The following TEAD4 variants were observed in gnomAD, a reference collection of about 807,000 sequenced individuals.
TEAD4 encodes TEA domain transcription factor 4.
A neutral mutation model predicts 52.4 loss-of-function variants in TEAD4; 36 were observed. The ratio of observed to expected loss-of-function variants is 0.69; its 90% CI spans 0.53 to 0.91. The LOEUF is 0.91. Among genes scored for constraint, TEAD4 ranks in the 40% least tolerant of loss-of-function variants. The probability of loss-of-function intolerance (pLI) is 0.00; values close to 1 mark genes in which losing one functional copy is unlikely to be tolerated. For synonymous variants in TEAD4, 220 were observed against 231.0 expected (o/e 0.95, Z 0.43); for missense variants, 508 against 583.9 (o/e 0.87, Z 1.34).
chr12:2,961,190 AAAC>A (rs1196659965), intron 2 of TEAD4, among the ~76,000 whole-genome samples: 3 of 152,150 alleles, frequency 2.0e-5, no homozygotes, highest in Non-Finnish European at 4.4e-5. Context: ...CCTCAAGGAC[AAAC>A]AGGGAGGTAT....
chr12:3,018,710 A>G, intron 7 of TEAD4, 122 bp downstream of exon 7: 1 of 1,252,192 alleles, frequency 8.0e-7, no homozygotes, highest in Non-Finnish European at 1.2e-6. Flanking sequence ...TCGGCCTTTC[A>G]GGATGGCTCT....
At position 3,012,238 on chromosome 12, in the gene TEAD4, G is replaced by A. The variant is rs2098260907; in HGVS notation, c.354+6G>A. 3.1e-6 allele frequency: 5 copies of A among 1,614,014 alleles called. No homozygotes were observed. The South Asian group carries it at 4.4e-5, about 14-fold the overall frequency. On this transcript the variant is annotated splice_donor_region_variant and intron_variant, in intron 5 of 12. Coordinates refer to ENST00000359864, the MANE Select transcript of TEAD4 (RefSeq NM_003213.4). ...AGATCCAGGCCAAGCTAAAGGTAAG[G>A]AAACTGCAGTGGGGGTGCTGGAGTG...
intron 5 of TEAD4, among the ~76,000 whole-genome samples, chr12:3,012,718 G>A (rs2098261362): frequency 6.6e-6 from 1 of 152,272 alleles, no homozygotes; most frequent in East Asian, 1.9e-4. Flanking sequence ...GTCTTGCAGG[G>A]CCTCTGCTGA....
chr12:2,963,296 T>G (rs1196085673), intron 2 of TEAD4, among the ~76,000 whole-genome samples: 4 of 152,240 alleles, frequency 2.6e-5, no homozygotes, highest in Admixed American at 6.5e-5. Flanking sequence ...CTCCTTCTCC[T>G]TCCCAGTGGA....
Position 3,032,388 on chromosome 12 carries a change from C to T in TEAD4, c.898-5580C>T, listed in dbSNP as rs962326383. Among the ~76,000 whole-genome samples, 37 of 152,090 alleles carry T rather than the reference C, an allele frequency of 2.4e-4. 1 individual carries two copies. Among genetic ancestry groups the T allele is most frequent in the African/African-American group, 8.0e-4 (33 of 41,408 alleles). On this transcript the variant is annotated intron_variant, in intron 10 of 12. Coordinates refer to ENST00000359864, the MANE Select transcript of TEAD4 (RefSeq NM_003213.4). ...GCACTCTGGATGGGAGGATCCAGCG[C>T]GAGTCTCGGGGTCCTGGGACAGGAG...
intron 2 of TEAD4, among the ~76,000 whole-genome samples, chr12:2,992,016 CTT>C (rs372782883): frequency 0.31 from 33,161 of 107,590 alleles, 6,372 homozygotes; most frequent in African/African-American, 0.59. Context: ...GCGGTTCCTG[CTT>C]TTTTTTTTTT....
rs549956718 is a variant in TEAD4 at position 2,970,329 on chromosome 12, C to G, written c.-30+10289C>G. On this transcript the variant is annotated intron_variant, in intron 2 of 12. Transcript: ENST00000359864. ...GCACAGTGTGGCTTTCCAGCCAGCCCGCCTGGGTTTGAATCTCTGTTCTGC... is the reference window on the plus strand; with the variant it reads ...GCACAGTGTGGCTTTCCAGCCAGCCGGCCTGGGTTTGAATCTCTGTTCTGC... 2.0e-5 allele frequency among the ~76,000 whole-genome samples: 3 copies of G among 152,278 alleles called. No homozygotes were observed. The East Asian group carries it at 5.8e-4, about 29-fold the overall frequency.
At chr12:2,964,118 A>G (rs932301940) in intron 2 of TEAD4, among the ~76,000 whole-genome samples, 4 of 152,060 alleles carry the variant, frequency 2.6e-5, no homozygotes, top group African/African-American at 9.7e-5. Context: ...CCTCCTCCAA[A>G]GGGGGCCGTT....
At chr12:3,010,899 C>A (rs1308402354) in intron 3 of TEAD4, 105 bp from the exon 4 acceptor site, 2 of 1,253,570 alleles carry the variant, frequency 1.6e-6, no homozygotes, top group Non-Finnish European at 2.3e-6. Flanking sequence ...TTAGGATGGG[C>A]AGAGAGTGAG....
chr12:3,011,178 C>A, intron 4 of TEAD4, 110 bp downstream of exon 4: 1 of 1,096,798 alleles, frequency 9.1e-7, no homozygotes, highest in Non-Finnish European at 1.4e-6. Context: ...TGAGGGGCGG[C>A]AGCTCTGGAT....
At chr12:3,037,868 C>A in intron 10 of TEAD4, 100 bp from the exon 11 acceptor site, 1 of 1,428,170 alleles carries the variant, frequency 7.0e-7, no homozygotes, top group Non-Finnish European at 9.4e-7. Context: ...GATTTCTTCC[C>A]AGCCCTAGAG....
chr12:3,012,350 TGAG>T, intron 5 of TEAD4, 118 bp downstream of exon 5: 3 of 1,144,874 alleles, frequency 2.6e-6, no homozygotes, highest in Non-Finnish European at 3.7e-6. Context: ...TTCTCTCTGT[TGAG>T]GAGAGCCAGG....
chr12:2,992,868 A>G (rs998208291), intron 2 of TEAD4, among the ~76,000 whole-genome samples: 24 of 151,984 alleles, frequency 1.6e-4, no homozygotes, highest in African/African-American at 5.1e-4. Flanking sequence ...CCTGAGAACT[A>G]TGTTTGGAAG....
intron 2 of TEAD4, among the ~76,000 whole-genome samples, chr12:2,972,699 C>T (rs2098226274): frequency 6.6e-6 from 1 of 151,914 alleles, no homozygotes; most frequent in Non-Finnish European, 1.5e-5. Context: ...CAGGGTTTCT[C>T]CATGTTGGTC....
intron 2 of TEAD4, among the ~76,000 whole-genome samples, chr12:2,970,131 A>G (rs1480689649): frequency 6.6e-6 from 1 of 152,234 alleles, no homozygotes; most frequent in Non-Finnish European, 1.5e-5. Flanking sequence ...TATGACTACA[A>G]TATTATCATT....
chr12:3,000,721 G>T (rs1216033363), intron 3 of TEAD4, among the ~76,000 whole-genome samples: 3 of 152,180 alleles, frequency 2.0e-5, no homozygotes, highest in Non-Finnish European at 4.4e-5. Flanking sequence ...ACTTCACATG[G>T]TGGGTTTGGG....
intron 5 of TEAD4, among the ~76,000 whole-genome samples, chr12:3,014,224 C>CTT (rs1368162438): frequency 1.3e-5 from 2 of 152,220 alleles, no homozygotes; most frequent in African/African-American, 4.8e-5. Flanking sequence ...TCGTCTGCCT[C>CTT]TGACTCACCG....
chr12:3,020,582 G>A (rs2098267970), intron 8 of TEAD4, 52 bp from the exon 9 acceptor site: 7 of 1,478,144 alleles, frequency 4.7e-6, no homozygotes, highest in Admixed American at 2.2e-5. Flanking sequence ...GAGGGTGCGG[G>A]CAGGGCGGGT....
intron 3 of TEAD4, 102 bp downstream of exon 3, chr12:2,995,094 T>A: frequency 7.1e-7 from 1 of 1,406,378 alleles, no homozygotes; most frequent in Admixed American, 2.3e-5. Context: ...GATGACCACT[T>A]GGGGCTTTGT....
Sources: gnomAD v4.1 joint callset for allele counts (sites outside exome capture counted in the v4.1 genomes callset) on GRCh38, gnomAD v4.1.1 for gene constraint, MANE v1.5 for transcripts, NCBI Gene and HGNC (gene_info 2026-07-23, HGNC 2026-07-21) for gene names.